ANKRD33B: variants seen among roughly 807,000 people sequenced by gnomAD.
The protein encoded by ANKRD33B is ankyrin repeat domain-containing protein 33B.
A neutral mutation model predicts 21.5 loss-of-function variants in ANKRD33B; 6 were observed. That is an observed-to-expected ratio of 0.28 (90% CI 0.15 to 0.55). The LOEUF (loss-of-function observed/expected upper bound fraction) is 0.55. ANKRD33B is among the 20% of genes least tolerant of loss of function. The pLI, the probability that ANKRD33B is intolerant of heterozygous loss-of-function variation, is 0.94. For missense variants in ANKRD33B, 698 were observed against 747.2 expected (o/e 0.93, Z 0.77); for synonymous variants, 347 against 342.4 (o/e 1.01, Z -0.15).
At chr5:10,627,077 G>A (rs1243765790) in intron 2 of ANKRD33B, among the ~76,000 whole-genome samples, 2 of 152,038 alleles carry the variant, frequency 1.3e-5, no homozygotes, top group East Asian at 1.9e-4. Context: ...TAATTTCCTC[G>A]GCTATTTAAT....
chr5:10,644,014 A>G (rs1443366411), intron 3 of ANKRD33B, among the ~76,000 whole-genome samples: 1 of 152,088 alleles, frequency 6.6e-6, no homozygotes, highest in East Asian at 1.9e-4. Flanking sequence ...TTAAAAAAAA[A>G]AAAAAAAGTG....
intron 1 of ANKRD33B, 87 bp downstream of exon 1, chr5:10,564,920 G>A (rs2126539453): frequency 7.1e-7 from 1 of 1,416,442 alleles, no homozygotes; most frequent in Admixed American, 2.8e-5. Context: ...CCCAGCTCCT[G>A]GCTCCGGACC....
At chr5:10,569,683 G>A (rs115449009) in intron 1 of ANKRD33B, among the ~76,000 whole-genome samples, 47 of 152,254 alleles carry the variant, frequency 3.1e-4, no homozygotes, top group African/African-American at 1.0e-3. Flanking sequence ...GTGAGAAAGC[G>A]GGTGAGGAGG....
At chr5:10,605,428 T>C (rs1022461210) in intron 1 of ANKRD33B, among the ~76,000 whole-genome samples, 1 of 152,218 alleles carries the variant, frequency 6.6e-6, no homozygotes, top group Non-Finnish European at 1.5e-5. Context: ...AGTATACTCA[T>C]GACAGACATA....
chr5:10,614,283 T>C (rs1736237024), intron 1 of ANKRD33B, among the ~76,000 whole-genome samples: 1 of 152,216 alleles, frequency 6.6e-6, no homozygotes, highest in Non-Finnish European at 1.5e-5. Flanking sequence ...TCAAAGTCTG[T>C]TGATTTAAAT....
At chr5:10,573,177 A>G (rs1735238244) in intron 1 of ANKRD33B, among the ~76,000 whole-genome samples, 3 of 152,120 alleles carry the variant, frequency 2.0e-5, no homozygotes, top group Non-Finnish European at 2.9e-5. Flanking sequence ...ATTTAAAAAT[A>G]ATCTCTTCCA....
In ANKRD33B at chr5:10,649,221, C is replaced by G. The variant is rs985094553; in HGVS notation, c.638-45C>G. 3.4e-6 allele frequency: 5 copies of G among 1,484,220 alleles called. No homozygotes were observed. In the African/African-American group the frequency reaches 6.9e-5, roughly 21 times the overall value. The allele number at this position is 1,484,220 out of a possible 1,614,324, so 91.9% of individuals were successfully genotyped here. A position where few individuals can be genotyped will look rare whatever the true frequency, so the allele number is the denominator to read the frequency against. On this transcript the variant is annotated intron_variant, in intron 3 of 3. Transcript: ENST00000296657. ...CAGGCTCTGCCTGGGAGGGAAGAGT[C>G]CTTGTTGCCGCCACCCACTTCTGTT...
intron 2 of ANKRD33B, among the ~76,000 whole-genome samples, chr5:10,634,333 T>C (rs764115294): frequency 2.4e-5 from 3 of 127,584 alleles, no homozygotes; most frequent in East Asian, 2.1e-4. Context: ...GGGTAGGGCT[T>C]ATTGGTGGAG....
chr5:10,597,342 G>T (rs1735840641), intron 1 of ANKRD33B, among the ~76,000 whole-genome samples: 1 of 152,146 alleles, frequency 6.6e-6, no homozygotes, highest in Admixed American at 6.5e-5. Context: ...AAGGGATGGA[G>T]GAAAATTTAC....
chr5:10,615,165 G>A (rs16884994), intron 1 of ANKRD33B, among the ~76,000 whole-genome samples: 10 of 152,136 alleles, frequency 6.6e-5, no homozygotes, highest in Non-Finnish European at 1.3e-4. Flanking sequence ...CCTAGGGAAG[G>A]CATTCCTTTT....
chr5:10,598,025 T>C (rs1051439370), intron 1 of ANKRD33B, among the ~76,000 whole-genome samples: 5 of 152,214 alleles, frequency 3.3e-5, no homozygotes, highest in African/African-American at 9.7e-5. Flanking sequence ...TCTGAGGGGT[T>C]GGAGTCAGAA....
At chr5:10,569,762 G>A (rs1159747381) in intron 1 of ANKRD33B, among the ~76,000 whole-genome samples, 1 of 152,196 alleles carries the variant, frequency 6.6e-6, no homozygotes, top group Non-Finnish European at 1.5e-5. Flanking sequence ...AGCTGAAATG[G>A]GCTTGGCGAT....
chr5:10,587,574 G>GA lies in ANKRD33B; in HGVS notation c.366+22751dup, dbSNP rs1213878378. Reference sequence around the variant, plus strand: ...TTTTTTTTTTTTTGGTGTGGAAAATGAAAAAAAAAAGAGAAGTACAAAGAA... The same window carrying GA: ...TTTTTTTTTTTTTGGTGTGGAAAATGAAAAAAAAAAAGAGAAGTACAAAGAA... On this transcript the variant is annotated intron_variant, in intron 1 of 3. Transcript: ENST00000296657. 5.4e-3 allele frequency among the ~76,000 whole-genome samples: 729 copies of GA among 135,956 alleles called. 8 individuals are homozygous for GA. The highest frequency in any genetic ancestry group is 0.018 in the African/African-American group (677 of 36,944). The allele number at this position is 135,956 out of a possible 152,430, so 89.2% of individuals were successfully genotyped here. A position where few individuals can be genotyped will look rare whatever the true frequency, so the allele number is the denominator to read the frequency against.
chr5:10,605,509 GTTTC>G (rs1242081515), intron 1 of ANKRD33B, among the ~76,000 whole-genome samples: 1 of 151,454 alleles, frequency 6.6e-6, no homozygotes, highest in Non-Finnish European at 1.5e-5. Context: ...TTCTCATTGA[GTTTC>G]TTTCTTTCCT....
chr5:10,624,964 T>C (rs1210627559), intron 2 of ANKRD33B: 2 of 355,556 alleles, frequency 5.6e-6, no homozygotes, highest in African/African-American at 2.1e-5. Context: ...GGACCCCACA[T>C]TGAGGATGGA....
intron 1 of ANKRD33B, among the ~76,000 whole-genome samples, chr5:10,569,769 C>T (rs139413277): frequency 2.2e-3 from 341 of 152,234 alleles, no homozygotes; most frequent in Non-Finnish European, 3.7e-3. Flanking sequence ...ATGGGCTTGG[C>T]GATGGGTGGG....
At chr5:10,649,124 A>G (rs1737257344) in intron 3 of ANKRD33B, 142 bp from the exon 4 acceptor site, 3 of 1,401,508 alleles carry the variant, frequency 2.1e-6, no homozygotes, top group East Asian at 2.6e-5. Flanking sequence ...GGGTTCGCAG[A>G]GTGAACTAGG....
At chr5:10,608,849 C>A (rs995411928) in intron 1 of ANKRD33B, among the ~76,000 whole-genome samples, 1 of 152,132 alleles carries the variant, frequency 6.6e-6, no homozygotes, top group South Asian at 2.1e-4. Flanking sequence ...AGAAAACAAT[C>A]GCAACACCCT....
At chr5:10,618,035 G>A (rs1351241008) in intron 1 of ANKRD33B, among the ~76,000 whole-genome samples, 1 of 152,194 alleles carries the variant, frequency 6.6e-6, no homozygotes, top group Non-Finnish European at 1.5e-5. Flanking sequence ...TTCTCTACGA[G>A]CCCCATAGTT....
Sources: allele counts gnomAD v4.1 joint callset (sites outside exome capture counted in the v4.1 genomes callset), GRCh38; gene constraint gnomAD v4.1.1; transcripts MANE v1.5; gene names NCBI Gene and HGNC (gene_info 2026-07-23, HGNC 2026-07-21).